CLDN10: variants seen among roughly 807,000 people sequenced by gnomAD.
CLDN10 encodes the protein claudin-10.
CLDN10 carries 15 observed loss-of-function variants against 22.9 expected under a neutral mutation model. That is an observed-to-expected ratio of 0.65 (90% CI 0.44 to 1.01). CLDN10 has a LOEUF of 1.01. Ranked by LOEUF, CLDN10 falls within the 50% of genes least tolerant of loss-of-function variation. The pLI, the probability that CLDN10 is intolerant of heterozygous loss-of-function variation, is 0.00. For missense variants in CLDN10, 247 were observed against 287.8 expected (o/e 0.86, Z 1.03); for synonymous variants, 114 against 111.4 (o/e 1.02, Z -0.15).
chr13:95,531,604 C>G (rs768959481), intron 1 of CLDN10, among the ~76,000 whole-genome samples: 9 of 152,022 alleles, frequency 5.9e-5, no homozygotes, highest in Non-Finnish European at 1.3e-4. Flanking sequence ...AATCTTGGCT[C>G]ATTGCAACCT....
intron 1 of CLDN10, among the ~76,000 whole-genome samples, chr13:95,449,967 T>A (rs2042418405): frequency 6.6e-6 from 1 of 151,764 alleles, no homozygotes; most frequent in South Asian, 2.1e-4. Flanking sequence ...ATGGTCTCAA[T>A]CCCCTGACCT....
chr13:95,556,116 G>A (rs1476376983), intron 1 of CLDN10, among the ~76,000 whole-genome samples: 1 of 151,696 alleles, frequency 6.6e-6, no homozygotes, highest in African/African-American at 2.4e-5. Context: ...CATGATCTCT[G>A]CTCACTGCAA....
intron 1 of CLDN10, among the ~76,000 whole-genome samples, chr13:95,516,900 A>G (rs1277881428): frequency 2.0e-5 from 3 of 152,122 alleles, no homozygotes; most frequent in Non-Finnish European, 2.9e-5. Context: ...AGATGATCTG[A>G]AAACCATGGG....
At chr13:95,560,857 G>T in intron 3 of CLDN10, 1 of 182,604 alleles carries the variant, frequency 5.5e-6, no homozygotes, top group Non-Finnish European at 1.1e-5. Flanking sequence ...ATATTTGCCA[G>T]ATGCTAGTTT....
intron 1 of CLDN10, among the ~76,000 whole-genome samples, chr13:95,491,518 TA>T (rs1022335168): frequency 1.3e-5 from 2 of 152,100 alleles, no homozygotes; most frequent in South Asian, 2.1e-4. Flanking sequence ...ATTTTTAAAT[TA>T]TTTTTTTCTG....
At chr13:95,524,199 G>T (rs961323720) in intron 1 of CLDN10, among the ~76,000 whole-genome samples, 2 of 150,614 alleles carry the variant, frequency 1.3e-5, no homozygotes, top group East Asian at 3.9e-4. Context: ...GGCTATAGTT[G>T]TGAATTTTTC....
chr13:95,435,042 T>C (rs9561879), intron 1 of CLDN10, among the ~76,000 whole-genome samples: 60,238 of 151,980 alleles, frequency 0.4, 12,534 homozygotes, highest in African/African-American at 0.53. Flanking sequence ...TGGGGCAAGC[T>C]TTCATCGTTG....
At chr13:95,523,368 T>A (rs1210623608) in intron 1 of CLDN10, among the ~76,000 whole-genome samples, 1 of 152,244 alleles carries the variant, frequency 6.6e-6, no homozygotes, top group Non-Finnish European at 1.5e-5. Flanking sequence ...TAATTCTATA[T>A]GTATTTTAAA....
intron 1 of CLDN10, among the ~76,000 whole-genome samples, chr13:95,481,228 T>C (rs1159414819): frequency 6.6e-6 from 1 of 152,158 alleles, no homozygotes; most frequent in African/African-American, 2.4e-5. Flanking sequence ...TGCAGACTCA[T>C]AATTTTAAAA....
intron 1 of CLDN10, among the ~76,000 whole-genome samples, chr13:95,541,204 C>T (rs376551530): frequency 1.6e-4 from 25 of 152,352 alleles, no homozygotes; most frequent in South Asian, 1.0e-3. Context: ...AAACGGAACT[C>T]GTCTGCCTTT....
At chr13:95,544,115 T>C (rs2043485460) in intron 1 of CLDN10, among the ~76,000 whole-genome samples, 2 of 152,184 alleles carry the variant, frequency 1.3e-5, no homozygotes. Flanking sequence ...CCCAGTTCTA[T>C]AATATCTATT....
chr13:95,550,815 A>G (rs2043555521), upstream of CLDN10, among the ~76,000 whole-genome samples: 1 of 142,928 alleles, frequency 7.0e-6, no homozygotes, highest in Admixed American at 7.2e-5. Context: ...GAGGTTAGGA[A>G]GATACTTTTT....
chr13:95,471,440 C>CACACACACATATATATAT lies in CLDN10; in HGVS notation c.214+37394_214+37395insCACACACATATATATATA, dbSNP rs746573300. 7.4e-3 allele frequency among the ~76,000 whole-genome samples: 764 copies of CACACACACATATATATAT among 103,148 alleles called. 4 individuals are homozygous for CACACACACATATATATAT. Among genetic ancestry groups the CACACACACATATATATAT allele is most frequent in the Non-Finnish European group, 0.01 (549 of 52,748 alleles). The allele number at this position is 103,148 out of a possible 152,430, so 67.7% of individuals were successfully genotyped here. A position where few individuals can be genotyped will look rare whatever the true frequency, so the allele number is the denominator to read the frequency against. On this transcript the variant is annotated intron_variant, in intron 1 of 4. Coordinates refer to the CLDN10 transcript ENST00000376873. ...ATATACACACACACACACACACACA[C>CACACACACATATATATAT]ATATATATATATATTTTTTTTTTTT...
chr13:95,461,964 G>A (rs1430820452), intron 1 of CLDN10, among the ~76,000 whole-genome samples: 1 of 152,112 alleles, frequency 6.6e-6, no homozygotes, highest in Non-Finnish European at 1.5e-5. Context: ...AAGCACAATG[G>A]TGCCATCTGT....
chr13:95,575,167 A>T (rs1391506121), intron 3 of CLDN10, among the ~76,000 whole-genome samples: 1 of 152,240 alleles, frequency 6.6e-6, no homozygotes, highest in African/African-American at 2.4e-5. Flanking sequence ...ATATTAAGGT[A>T]TAGTTTCAGG....
intron 1 of CLDN10, among the ~76,000 whole-genome samples, chr13:95,526,613 C>A (rs1290359141): frequency 6.6e-6 from 1 of 152,054 alleles, no homozygotes; most frequent in Non-Finnish European, 1.5e-5. Context: ...CATGGTGAAA[C>A]TCCGTCTCTA....
At chr13:95,445,001 C>G (rs2042358895) in intron 1 of CLDN10, among the ~76,000 whole-genome samples, 1 of 152,202 alleles carries the variant, frequency 6.6e-6, no homozygotes, top group Non-Finnish European at 1.5e-5. Context: ...GTCTCGAACT[C>G]CTGACCTCAG....
In CLDN10 at chr13:95,502,711, G is replaced by A. The variant is rs373086727; in HGVS notation, c.215-57421G>A. The stretch of plus-strand genomic sequence containing the variant: ...ATTTTTGTATTTTTTAGTACAGACA[G>A]GGTCTCACCATGTTGGCCAGGCTGG... On this transcript the variant is annotated intron_variant, in intron 1 of 4. Coordinates refer to the CLDN10 transcript ENST00000376873. Among the ~76,000 whole-genome samples, 11 of 152,244 alleles carry A rather than the reference G, an allele frequency of 7.2e-5. No individual in the cohort carries two copies. The East Asian group carries it at 7.7e-4, about 11-fold the overall frequency.
intron 1 of CLDN10, among the ~76,000 whole-genome samples, chr13:95,559,023 G>T (rs930910165): frequency 1.3e-5 from 2 of 152,118 alleles, no homozygotes; most frequent in African/African-American, 4.8e-5. Context: ...ATTTATCATG[G>T]CTCTGCTTGA....
Sources: gnomAD v4.1 joint callset for allele counts (sites outside exome capture counted in the v4.1 genomes callset) on GRCh38, gnomAD v4.1.1 for gene constraint, MANE v1.5 for transcripts, NCBI Gene and HGNC (gene_info 2026-07-23, HGNC 2026-07-21) for gene names.